DCLK1: variants seen among roughly 807,000 people sequenced by gnomAD.
The protein encoded by DCLK1 is doublecortin like kinase 1.
A neutral mutation model predicts 86.2 loss-of-function variants in DCLK1; 16 were observed. The observed-to-expected ratio is 0.19, with a 90% CI of 0.13 to 0.28. DCLK1 has a LOEUF of 0.28. Ranked by LOEUF, DCLK1 falls within the 10% of genes least tolerant of loss-of-function variation. The pLI, the probability that DCLK1 is intolerant of heterozygous loss-of-function variation, is 1.00. For missense variants in DCLK1, 590 were observed against 940.2 expected (o/e 0.63, Z 4.87); for synonymous variants, 369 against 370.5 (o/e 1.00, Z 0.05).
At chr13:35,844,028 G>T (rs775423213) in intron 6 of DCLK1, among the ~76,000 whole-genome samples, 10 of 152,078 alleles carry the variant, frequency 6.6e-5, no homozygotes, top group East Asian at 3.9e-4. Context: ...TCCCAACTGG[G>T]TATAGAACAA....
rs576183836 is a variant in DCLK1, at chr13:35,990,232, TACA to T, written c.724-42778_724-42776del. On this transcript the variant is annotated intron_variant, in intron 3 of 16. Transcript: ENST00000360631. The stretch of plus-strand genomic sequence containing the variant: ...GTTGTACTAATACTAAATACCAAAA[TACA>T]AATGAAAAGTAACTAAATTTTGTGT... 3.3e-5 allele frequency among the ~76,000 whole-genome samples: 5 copies of T among 152,284 alleles called. No individual in the cohort carries two copies. In the South Asian group the frequency reaches 1.0e-3, roughly 32 times the overall value.
At position 35,823,918 on chromosome 13, in the gene DCLK1, A is replaced by G. The variant is rs118169102; in HGVS notation, c.1408-1043T>C. 6.2e-4 allele frequency among the ~76,000 whole-genome samples: 95 copies of G among 152,286 alleles called. 1 individual carries two copies. The East Asian group carries it at 0.017, about 27-fold the overall frequency. ...TGGAGACTTCTCTCACTGTCCCCCA[A>G]GCTGCAACGGTTCTCAAGCTAACCA... On this transcript the variant is annotated intron_variant, in intron 10 of 16. Coordinates refer to ENST00000360631, the MANE Select transcript of DCLK1 (RefSeq NM_001330071.2).
chr13:35,850,028 A>T, intron 6 of DCLK1: 2 of 976,004 alleles, frequency 2.0e-6, no homozygotes, highest in Non-Finnish European at 2.4e-6. Context: ...AATAACTTTA[A>T]AAAATAAAAT....
chr13:35,802,920 C>T (rs2086950963), intron 15 of DCLK1, among the ~76,000 whole-genome samples: 1 of 152,192 alleles, frequency 6.6e-6, no homozygotes, highest in Non-Finnish European at 1.5e-5. Flanking sequence ...GTGCCTCTTC[C>T]TCCCCGCACA....
intron 4 of DCLK1, among the ~76,000 whole-genome samples, chr13:35,906,112 A>G (rs914347514): frequency 2.0e-5 from 3 of 152,172 alleles, no homozygotes; most frequent in Admixed American, 2.0e-4. Flanking sequence ...AGCTTCCAGG[A>G]CCACTCTATC....
At chr13:35,962,806 T>C (rs142841175) in intron 3 of DCLK1, among the ~76,000 whole-genome samples, 19 of 152,346 alleles carry the variant, frequency 1.2e-4, no homozygotes, top group African/African-American at 4.3e-4. Flanking sequence ...TTATTCATTT[T>C]ACATTTATGC....
chr13:35,957,870 C>A (rs1379804318), intron 3 of DCLK1, among the ~76,000 whole-genome samples: 2 of 72,388 alleles, frequency 2.8e-5, no homozygotes, highest in African/African-American at 5.5e-5. Context: ...CAACAACAAT[C>A]CCACAAAGCT....
At chr13:36,102,245 AT>A (rs542502886) in intron 3 of DCLK1, among the ~76,000 whole-genome samples, 85 of 134,072 alleles carry the variant, frequency 6.3e-4, no homozygotes, top group Middle Eastern at 7.8e-3. Flanking sequence ...TTCCTGGAAG[AT>A]TTTTTTTTTA....
At chr13:35,852,397 T>C (rs1412950222) in intron 6 of DCLK1, among the ~76,000 whole-genome samples, 1 of 152,206 alleles carries the variant, frequency 6.6e-6, no homozygotes, top group African/African-American at 2.4e-5. Flanking sequence ...GGTTCATTTA[T>C]GGCCTAAATT....
At chr13:36,115,917 T>TA (rs1431602117) in intron 2 of DCLK1, among the ~76,000 whole-genome samples, 3 of 150,150 alleles carry the variant, frequency 2.0e-5, no homozygotes, top group East Asian at 1.9e-4. Context: ...AGTTCCTGTG[T>TA]AAAAAATCAC....
In DCLK1 at chr13:36,103,217, A is replaced by T. The variant is rs546732548; in HGVS notation, c.723+8652T>A. On this transcript the variant is annotated intron_variant, in intron 3 of 16. Coordinates refer to ENST00000360631, the MANE Select transcript of DCLK1 (RefSeq NM_001330071.2). ...GGAGTTCGAGACCAGCCTGGCCAAC[A>T]TGGTGAAACCTTGTCTGTACTAAAA... Among the ~76,000 whole-genome samples the T allele has an allele frequency of 4.6e-5, 7 of 152,124 alleles. No homozygotes were observed. In the South Asian group the frequency reaches 1.5e-3, roughly 32 times the overall value.
chr13:35,854,697 A>T, intron 5 of DCLK1, 104 bp from the exon 6 acceptor site: 1 of 960,458 alleles, frequency 1.0e-6, no homozygotes, highest in Non-Finnish European at 1.4e-6. Context: ...AGAGCCATCT[A>T]CTAGAACTCT....
chr13:35,947,811 C>A (rs1877467688), intron 3 of DCLK1, among the ~76,000 whole-genome samples: 1 of 152,200 alleles, frequency 6.6e-6, no homozygotes, highest in South Asian at 2.1e-4. Context: ...CACAAGTCAG[C>A]ATATGGTTTT....
At chr13:35,989,112 T>C (rs1880087234) in intron 3 of DCLK1, among the ~76,000 whole-genome samples, 1 of 152,120 alleles carries the variant, frequency 6.6e-6, no homozygotes, top group Non-Finnish European at 1.5e-5. Context: ...ATCCATAACA[T>C]ATTCACTCTC....
intron 3 of DCLK1, among the ~76,000 whole-genome samples, chr13:36,017,002 AG>A (rs1297196641): frequency 6.6e-6 from 1 of 152,198 alleles, no homozygotes; most frequent in Non-Finnish European, 1.5e-5. Context: ...CAAATGAGAA[AG>A]GTTGCTCGAT....
intron 3 of DCLK1, among the ~76,000 whole-genome samples, chr13:35,985,716 G>A (rs1879870914): frequency 6.6e-6 from 1 of 152,184 alleles, no homozygotes; most frequent in African/African-American, 2.4e-5. Flanking sequence ...GAGACTGGCT[G>A]GGGATGGGCT....
intron 5 of DCLK1, among the ~76,000 whole-genome samples, chr13:35,862,995 G>T (rs1187075392): frequency 6.6e-6 from 1 of 152,142 alleles, no homozygotes; most frequent in Non-Finnish European, 1.5e-5. Context: ...TATTTTCACT[G>T]CACCTTTTCT....
At chr13:36,064,572 T>A (rs1311097498) in intron 3 of DCLK1, among the ~76,000 whole-genome samples, 7 of 151,556 alleles carry the variant, frequency 4.6e-5, no homozygotes, top group African/African-American at 1.5e-4. Context: ...GGCAGGAGAA[T>A]ATCTTGAACC....
chr13:35,944,970 C>T (rs1271797091), intron 4 of DCLK1, among the ~76,000 whole-genome samples: 3 of 152,074 alleles, frequency 2.0e-5, no homozygotes, highest in African/African-American at 7.2e-5. Flanking sequence ...GGTGCGATCT[C>T]GGTTCACCGC....
Sources: allele counts gnomAD v4.1 joint callset (sites outside exome capture counted in the v4.1 genomes callset), GRCh38; gene constraint gnomAD v4.1.1; transcripts MANE v1.5; gene names NCBI Gene and HGNC (gene_info 2026-07-23, HGNC 2026-07-21).